The following CDH5 variants were observed in gnomAD, a reference collection of about 807,000 sequenced individuals.
CDH5 encodes the protein cadherin 5, also known as cadherin-5.
A neutral mutation model predicts 62.0 loss-of-function variants in CDH5; 28 were observed. The observed-to-expected ratio is 0.45, with a 90% CI of 0.33 to 0.62. The LOEUF (loss-of-function observed/expected upper bound fraction) is 0.62, where lower values mean the gene tolerates loss of function less well. Ranked by LOEUF, CDH5 falls within the 20% of genes least tolerant of loss-of-function variation. The pLI, the probability that CDH5 is intolerant of heterozygous loss-of-function variation, is 0.02. For synonymous variants in CDH5, 464 were observed against 445.8 expected (o/e 1.04, Z -0.52); for missense variants, 940 against 1,065.1 (o/e 0.88, Z 1.63).
intron 11 of CDH5, 33 bp from the exon 12 acceptor site, chr16:66,402,619 G>T (rs1232501025): frequency 3.9e-6 from 6 of 1,523,844 alleles, no homozygotes; most frequent in South Asian, 1.3e-5. Flanking sequence ...CCCCAGCCTT[G>T]TCTGACTCTG....
chr16:66,388,288 T>C (rs1961021365), intron 3 of CDH5, 36 bp from the exon 4 acceptor site: 1 of 1,383,332 alleles, frequency 7.2e-7, no homozygotes, highest in Non-Finnish European at 1.0e-6. Context: ...GGCCTAGCAG[T>C]CACAAGTCAG....
chr16:66,394,893 C>A (rs569583608), intron 7 of CDH5, among the ~76,000 whole-genome samples: 1 of 151,768 alleles, frequency 6.6e-6, no homozygotes, highest in African/African-American at 2.4e-5. Context: ...CTCTGTCACC[C>A]AGGCTAGAGT....
intron 7 of CDH5, 143 bp downstream of exon 7, chr16:66,392,526 G>GC: frequency 8.4e-7 from 1 of 1,189,104 alleles, no homozygotes; most frequent in Non-Finnish European, 1.2e-6. Flanking sequence ...AAGACCAGAA[G>GC]CCCAAGCTCT....
intron 2 of CDH5, among the ~76,000 whole-genome samples, chr16:66,384,898 G>A (rs575308874): frequency 2.6e-5 from 4 of 152,166 alleles, no homozygotes; most frequent in South Asian, 2.1e-4. Context: ...CCCAGGAGGC[G>A]GAGGTTGCAG....
intron 2 of CDH5, among the ~76,000 whole-genome samples, chr16:66,384,921 G>T (rs7500475): frequency 6.6e-6 from 1 of 151,856 alleles, no homozygotes; most frequent in Non-Finnish European, 1.5e-5. Context: ...AGCCAAGATC[G>T]TGCCACTGCA....
In CDH5 at chr16:66,369,507, A is replaced by G. The variant is rs191287016; in HGVS notation, c.-20+2749A>G. 7.2e-5 allele frequency among the ~76,000 whole-genome samples: 11 copies of G among 152,288 alleles called. No individual in the cohort carries two copies. In the East Asian group the frequency reaches 2.1e-3, roughly 29 times the overall value. ...GCTCAGCAAGCAAGAGATGAACCCA[A>G]GGTCACACAGCTCCCGAGCAGCTGG... On this transcript the variant is annotated intron_variant, in intron 1 of 11. Transcript: ENST00000341529.
At position 66,386,881 on chromosome 16, in the gene CDH5, G is replaced by A; in HGVS notation, c.283G>A (p.Val95Ile). Residue 95 changes from valine (V) to isoleucine (I), a missense_variant, in exon 3 of 12, where the codon GTC becomes ATC. Transcript: ENST00000341529. ...AGAATATGTGGGCAAGGTCTTCCGG[G>A]TCGATGCAGAGACAGGAGACGTGTT... ...KGEYVGKVFR[V>I]DAETGDVFAI... 2 of 1,614,222 alleles carry A rather than the reference G, an allele frequency of 1.2e-6. No individual in the cohort carries two copies. Among genetic ancestry groups the A allele is most frequent in the East Asian group, 2.2e-5 (1 of 44,882 alleles).
intron 2 of CDH5, among the ~76,000 whole-genome samples, chr16:66,383,301 C>A (rs1013053888): frequency 8.5e-5 from 13 of 152,108 alleles, no homozygotes; most frequent in Non-Finnish European, 1.8e-4. Context: ...TTAATTATAA[C>A]AAATGCACCA....
intron 8 of CDH5, 111 bp from the exon 9 acceptor site, chr16:66,397,871 C>T (rs925798335): frequency 1.6e-6 from 2 of 1,229,796 alleles, no homozygotes; most frequent in Non-Finnish European, 1.2e-6. Context: ...GTTCCACAGC[C>T]TCCTCCTGCA....
chr16:66,372,593 G>A (rs537284422), intron 1 of CDH5, among the ~76,000 whole-genome samples: 1 of 152,186 alleles, frequency 6.6e-6, no homozygotes, highest in Non-Finnish European at 1.5e-5. Context: ...TTCTCAGGCT[G>A]CCCAGGTGAC....
intron 7 of CDH5, among the ~76,000 whole-genome samples, chr16:66,393,979 T>C (rs1961131964): frequency 6.6e-6 from 1 of 152,214 alleles, no homozygotes; most frequent in Admixed American, 6.5e-5. Flanking sequence ...GTTTCTCCTT[T>C]GATCCAAGGG....
At chr16:66,367,131 C>A (rs1165852008) in intron 1 of CDH5, among the ~76,000 whole-genome samples, 1 of 152,230 alleles carries the variant, frequency 6.6e-6, no homozygotes, top group Admixed American at 6.5e-5. Context: ...CAGGCCTTGG[C>A]CTCCCCTCGG....
chr16:66,395,498 C>CTTCTCTTTTTT (rs1961163895), intron 7 of CDH5: 2 of 41,502 alleles, frequency 4.8e-5, no homozygotes, highest in Non-Finnish European at 4.9e-5. Context: ...GGAAACTTTT[C>CTTCTCTTTTTT]TTTTCTTTTT....
intron 1 of CDH5, among the ~76,000 whole-genome samples, chr16:66,368,707 G>C (rs889371765): frequency 6.6e-6 from 1 of 152,192 alleles, no homozygotes; most frequent in East Asian, 1.9e-4. Context: ...GAGGGAAGCT[G>C]TGCAGCCAGT....
intron 1 of CDH5, among the ~76,000 whole-genome samples, chr16:66,374,999 G>A (rs1264083847): frequency 6.6e-6 from 1 of 151,938 alleles, no homozygotes; most frequent in Admixed American, 6.5e-5. Flanking sequence ...TTAATGACTG[G>A]GACACATTCT....
chr16:66,380,391 T>C (rs1960874092), intron 2 of CDH5, among the ~76,000 whole-genome samples: 1 of 145,978 alleles, frequency 6.9e-6, no homozygotes, highest in South Asian at 2.2e-4. Context: ...GGTCTGACGA[T>C]GGTGATGATG....
At position 66,404,728 on chromosome 16, in the gene CDH5, A is replaced by T. The variant is rs548546898; in HGVS notation, c.*1559A>T. 1 of 152,748 alleles carries T rather than the reference A, an allele frequency of 6.5e-6. No homozygotes were observed. Among genetic ancestry groups the T allele is most frequent in the South Asian group, 2.1e-4 (1 of 4,828 alleles). The allele number at this position is 152,748 out of a possible 1,614,324, so 9.5% of individuals were successfully genotyped here. A position where few individuals can be genotyped will look rare whatever the true frequency, so the allele number is the denominator to read the frequency against. On this transcript the variant is annotated 3_prime_UTR_variant, in exon 12 of 12. Coordinates refer to ENST00000341529, the MANE Select transcript of CDH5 (RefSeq NM_001795.5). ...GTCTATATATTGGCCAAACTGGTGCATGACAAGTACTGTATTTTTTTATAC... is the reference window on the plus strand; with the variant it reads ...GTCTATATATTGGCCAAACTGGTGCTTGACAAGTACTGTATTTTTTTATAC...
Position 66,404,113 on chromosome 16 carries a change from T to G in CDH5, c.*944T>G, listed in dbSNP as rs778294361. On this transcript the variant is annotated 3_prime_UTR_variant, in exon 12 of 12. Transcript: ENST00000341529. ...TCGCCAATCCATGCTCTCTTTCTTT[T>G]CTCTGTCTACTCCTTATCCCTTGGT... is the stretch of plus-strand genomic sequence containing the variant. The G allele has an allele frequency of 2.0e-5, 3 of 152,582 alleles. No individual in the cohort carries two copies. The highest frequency in any genetic ancestry group is 4.4e-5 in the Non-Finnish European group (3 of 68,086). The allele number at this position is 152,582 out of a possible 1,614,324, so 9.5% of individuals were successfully genotyped here.
intron 8 of CDH5, among the ~76,000 whole-genome samples, chr16:66,397,467 C>T (rs763614510): frequency 1.6e-4 from 24 of 152,124 alleles, no homozygotes; most frequent in Admixed American, 7.2e-4. Flanking sequence ...AGCAATCCTC[C>T]CTTCTAGGCC....
Sources: gnomAD v4.1 joint callset for allele counts (sites outside exome capture counted in the v4.1 genomes callset) on GRCh38, gnomAD v4.1.1 for gene constraint, MANE v1.5 for transcripts, NCBI Gene and HGNC (gene_info 2026-07-23, HGNC 2026-07-21) for gene names.